The following HVCN1 variants were observed in gnomAD, a reference collection of about 807,000 sequenced individuals.
HVCN1 encodes the protein hydrogen voltage gated channel 1, also known as voltage-gated hydrogen channel 1.
HVCN1 carries 14 observed loss-of-function variants against 29.2 expected under a neutral mutation model. That is an observed-to-expected ratio of 0.48 (90% CI 0.32 to 0.75). HVCN1 has a LOEUF of 0.75. Among genes scored for constraint, HVCN1 ranks in the 30% least tolerant of loss-of-function variants. The pLI is 0.04. For missense variants in HVCN1, 263 were observed against 341.8 expected (o/e 0.77, Z 1.82); for synonymous variants, 131 against 133.2 (o/e 0.98, Z 0.11).
Position 110,661,600 on chromosome 12 carries a change from G to C in HVCN1, c.22-152C>G. 1.4e-6 allele frequency: 1 copy of C among 695,474 alleles called. No individual in the cohort carries two copies. Among genetic ancestry groups the C allele is most frequent in the East Asian group, 2.7e-5 (1 of 36,798 alleles). 43.1% of individuals were successfully genotyped at this position (695,474 alleles called of 1,614,324 possible). A position where few individuals can be genotyped will look rare whatever the true frequency, so the allele number is the denominator to read the frequency against. ...GACCATGAGGTCACGGTGGTTTCTC[G>C]TGCTTTTATTTTTGGAATCCAGGGT... On this transcript the variant is annotated intron_variant, in intron 3 of 7. Coordinates refer to ENST00000242607, the MANE Select transcript of HVCN1 (RefSeq NM_032369.4). This position sits in a 1 kb window ranked among gnomAD's most constrained non-coding sequence, Gnocchi z 6.2.
chr12:110,651,445 A>G lies in HVCN1; in HGVS notation c.415T>C (p.Phe139Leu), dbSNP rs1566025649. The G allele has an allele frequency of 6.2e-7, 1 of 1,606,406 alleles. No homozygotes were observed. The part of the protein sequence containing the change: ...PDKNNYAAMV[F>L]HYMSITILVF... Reference sequence around the variant, plus strand: ...AAGATGGTGATGCTCATGTAGTGGAATACCTGAAGGGGACAAGGAACCACA... The same window carrying G: ...AAGATGGTGATGCTCATGTAGTGGAGTACCTGAAGGGGACAAGGAACCACA... The change falls in exon 6 of 8, where the codon TTC (phenylalanine) becomes CTC (leucine). Residue 139 changes from phenylalanine to leucine, a missense_variant. Around this residue, in one of 3 missense-constraint regions of HVCN1, gnomAD observed 157 missense variants for 181.3 expected, o/e 0.87. Transcript: ENST00000242607.
chr12:110,669,734 C>G (rs1024933741), intron 3 of HVCN1, among the ~76,000 whole-genome samples: 4 of 152,146 alleles, frequency 2.6e-5, no homozygotes, highest in African/African-American at 7.2e-5. Flanking sequence ...GGCAGAGACT[C>G]TTCCTCAGTC....
At chr12:110,684,363 C>A (rs2069102807) in intron 2 of HVCN1, among the ~76,000 whole-genome samples, 2 of 152,058 alleles carry the variant, frequency 1.3e-5, no homozygotes, top group Non-Finnish European at 2.9e-5. Context: ...AATTTCACTC[C>A]AATTGAAAAA....
chr12:110,662,072 T>A (rs780239896), intron 3 of HVCN1, among the ~76,000 whole-genome samples: 1 of 152,102 alleles, frequency 6.6e-6, no homozygotes, highest in African/African-American at 2.4e-5. Context: ...AATGTATAGG[T>A]ATGAGTGCAA....
At chr12:110,675,342 C>T (rs917098194) in intron 3 of HVCN1, among the ~76,000 whole-genome samples, 10 of 152,104 alleles carry the variant, frequency 6.6e-5, no homozygotes, top group African/African-American at 1.4e-4. Context: ...GCCTGTAGTC[C>T]CAACTACTTG....
chr12:110,657,009 G>T (rs952994659), intron 4 of HVCN1, among the ~76,000 whole-genome samples: 1 of 152,190 alleles, frequency 6.6e-6, no homozygotes, highest in Non-Finnish European at 1.5e-5. Context: ...ATGAGGTTCT[G>T]ACCCCCGCTC....
Position 110,658,586 on chromosome 12 carries a change from C to T in HVCN1, c.306+2578G>A, listed in dbSNP as rs2068062287. ...CCACGCCATCCACCCATCGGGCTCA[C>T]TCCTGCTCAGCATGCAGGTGTCACC... On this transcript the variant is annotated intron_variant, in intron 4 of 7. Transcript: ENST00000242607. This position sits in a 1 kb window ranked among gnomAD's most constrained non-coding sequence, Gnocchi z 5.0. Among the ~76,000 whole-genome samples, 1 of 152,216 alleles carries T rather than the reference C, an allele frequency of 6.6e-6. No homozygotes were observed.
At chr12:110,687,479 G>A (rs2069236567) in intron 2 of HVCN1, among the ~76,000 whole-genome samples, 1 of 152,146 alleles carries the variant, frequency 6.6e-6, no homozygotes, top group Non-Finnish European at 1.5e-5. Flanking sequence ...TACTTAGGAG[G>A]TGGCGGCTGG....
chr12:110,684,034 T>A (rs2069090834), intron 2 of HVCN1, among the ~76,000 whole-genome samples: 1 of 151,736 alleles, frequency 6.6e-6, no homozygotes, highest in Non-Finnish European at 1.5e-5. Flanking sequence ...TGTCACATAT[T>A]GTATGATTCC....
At chr12:110,654,471 C>CTTTTT (rs1199046571) in intron 5 of HVCN1, among the ~76,000 whole-genome samples, 2 of 112,548 alleles carry the variant, frequency 1.8e-5, no homozygotes, top group Admixed American at 1.0e-4. Flanking sequence ...GGGGGAAATG[C>CTTTTT]TTTTTTTTTT....
chr12:110,676,828 G>GCA lies in HVCN1; in HGVS notation c.21+6395_21+6396dup, dbSNP rs2068765174. Among the ~76,000 whole-genome samples, 1 of 152,082 alleles carries GCA rather than the reference G, an allele frequency of 6.6e-6. No homozygotes were observed. The highest frequency in any genetic ancestry group is 6.6e-5 in the Admixed American group (1 of 15,258). On this transcript the variant is annotated intron_variant, in intron 3 of 7. Transcript: ENST00000242607. The surrounding 1 kb of genome is among the most constrained non-coding windows in gnomAD (Gnocchi z 4.1). ...TTGTGGCAATTAATCTGAGCCAGGA[G>GCA]CACATCTGCATGCGAGTCCCACAGG...
chr12:110,653,826 A>G (rs2067897245), intron 5 of HVCN1, among the ~76,000 whole-genome samples: 1 of 152,262 alleles, frequency 6.6e-6, no homozygotes, highest in South Asian at 2.1e-4. Flanking sequence ...TGGGCGATAG[A>G]GACTGTCTCA....
intron 3 of HVCN1, among the ~76,000 whole-genome samples, chr12:110,663,338 C>T (rs1027063664): frequency 1.3e-5 from 2 of 152,014 alleles, no homozygotes; most frequent in Non-Finnish European, 2.9e-5. Context: ...TGTGGCAGCT[C>T]ACACCTGTAA....
chr12:110,682,494 T>C (rs2069016981), intron 3 of HVCN1, among the ~76,000 whole-genome samples: 1 of 151,908 alleles, frequency 6.6e-6, no homozygotes, highest in Non-Finnish European at 1.5e-5. Flanking sequence ...CCACCACACC[T>C]GGCCTAAAAT....
chr12:110,690,418 G>A (rs1483920729), upstream of HVCN1, among the ~76,000 whole-genome samples: 2 of 152,168 alleles, frequency 1.3e-5, no homozygotes, highest in Admixed American at 1.3e-4. Flanking sequence ...CCTCCCATAG[G>A]GGTATTGTCT....
intron 2 of HVCN1, among the ~76,000 whole-genome samples, chr12:110,699,924 G>A (rs1206611867): frequency 1.3e-5 from 2 of 151,970 alleles, no homozygotes; most frequent in Non-Finnish European, 2.9e-5. Context: ...TCCACAAGGT[G>A]GCAGGGACCC....
intron 5 of HVCN1, among the ~76,000 whole-genome samples, chr12:110,652,201 T>C (rs1356890835): frequency 6.6e-6 from 1 of 152,138 alleles, no homozygotes; most frequent in East Asian, 1.9e-4. Flanking sequence ...TGAGACCACG[T>C]TGGCCAACAT....
intron 6 of HVCN1, 39 bp from the exon 7 acceptor site, chr12:110,650,319 A>G: frequency 7.7e-7 from 1 of 1,305,958 alleles, no homozygotes; most frequent in Non-Finnish European, 1.1e-6. Flanking sequence ...ACTGGTTTCT[A>G]ACTTAACCAC....
rs570804047 is a variant in HVCN1, at chr12:110,664,281, A to C, written c.22-2833T>G. 3.9e-5 allele frequency among the ~76,000 whole-genome samples: 6 copies of C among 152,328 alleles called. No individual in the cohort carries two copies. The South Asian group carries it at 1.2e-3, about 32-fold the overall frequency. On this transcript the variant is annotated intron_variant, in intron 3 of 7. Transcript: ENST00000242607. Reference sequence around the variant, plus strand: ...CCTAGAAAAATGCCTTGCACTTAACAGACACTCAAAAATACTGAAATGTTT... The same window carrying C: ...CCTAGAAAAATGCCTTGCACTTAACCGACACTCAAAAATACTGAAATGTTT...
Sources: allele counts gnomAD v4.1 joint callset (sites outside exome capture counted in the v4.1 genomes callset), GRCh38; gene constraint gnomAD v4.1.1; regional missense constraint gnomAD v4.1.1; non-coding constraint Gnocchi (gnomAD v3.1); transcripts MANE v1.5; gene names NCBI Gene and HGNC (gene_info 2026-07-23, HGNC 2026-07-21).